Variants in ZNF544 observed in about 807,000 individuals in gnomAD.
The protein encoded by ZNF544 is zinc finger protein 544, also known as zinc finger protein AF020591.
In ZNF544, 10 loss-of-function variants were observed where a neutral mutation model predicts 13.5. The observed-to-expected ratio is 0.74, with a 90% CI of 0.46 to 1.25. The LOEUF (loss-of-function observed/expected upper bound fraction) is 1.25. ZNF544 is among the 50% of genes most tolerant of loss of function. The probability of loss-of-function intolerance (pLI) is 0.00; values close to 1 mark genes in which losing one functional copy is unlikely to be tolerated. For synonymous variants in ZNF544, 323 were observed against 300.5 expected (o/e 1.07, Z -0.77); for missense variants, 896 against 845.6 (o/e 1.06, Z -0.74).
chr19:58,272,911 C>T lies in ZNF544; in HGVS notation c.245-3412C>T, dbSNP rs529490234. Among the ~76,000 whole-genome samples, 282 of 151,342 alleles carry T rather than the reference C, an allele frequency of 1.9e-3. 2 individuals carry two copies. Among genetic ancestry groups the T allele is most frequent in the Non-Finnish European group, 2.7e-3 (181 of 67,878 alleles). ...AAAGAAAAGAAAAAAAGGCCGGGCG[C>T]GGTGGCTCATGCCTGTAATCCCAGC... is the stretch of plus-strand genomic sequence containing the variant. On this transcript the variant is annotated intron_variant, in intron 5 of 6. Transcript: ENST00000595981.
chr19:58,270,383 C>T (rs2050487538), intron 5 of ZNF544, among the ~76,000 whole-genome samples: 1 of 149,856 alleles, frequency 6.7e-6, no homozygotes, highest in African/African-American at 2.5e-5. Context: ...CTCACTGTAA[C>T]CTCCGCCTCC....
chr19:58,276,187 T>G, intron 5 of ZNF544: 1 of 387,798 alleles, frequency 2.6e-6, no homozygotes, highest in African/African-American at 2.1e-5. Flanking sequence ...AAAAAACAAA[T>G]AAACAACAAA....
At chr19:58,229,030 C>T (rs942395584) in intron 1 of ZNF544, 84 bp downstream of exon 1, 3 of 152,602 alleles carry the variant, frequency 2.0e-5, no homozygotes, top group African/African-American at 7.2e-5. Flanking sequence ...CCAGAGCCGC[C>T]CCAAGTGATC....
intron 6 of ZNF544, among the ~76,000 whole-genome samples, chr19:58,255,007 C>T (rs1178441094): frequency 4.0e-5 from 6 of 151,624 alleles, no homozygotes; most frequent in Non-Finnish European, 7.4e-5. Flanking sequence ...CCTGCCTCAG[C>T]CTCCTGAGTA....
intron 6 of ZNF544, chr19:58,277,079 G>A (rs964393784): frequency 1.4e-6 from 1 of 731,354 alleles, no homozygotes; most frequent in South Asian, 7.1e-5. Context: ...AAGTGACTCT[G>A]TCTTGGTTTG....
intron 3 of ZNF544, among the ~76,000 whole-genome samples, chr19:58,243,022 C>T (rs114421229): frequency 8.0e-4 from 122 of 152,082 alleles, no homozygotes; most frequent in African/African-American, 2.9e-3. Flanking sequence ...AGAGGGGGGT[C>T]TCACTTTGTT....
chr19:58,231,395 G>T (rs1031748507), intron 3 of ZNF544, among the ~76,000 whole-genome samples: 1 of 152,118 alleles, frequency 6.6e-6, no homozygotes. Flanking sequence ...TCTTTGTGGG[G>T]TTACAAGGAA....
intron 3 of ZNF544, among the ~76,000 whole-genome samples, chr19:58,240,741 A>G (rs1273541216): frequency 6.6e-6 from 1 of 151,552 alleles, no homozygotes; most frequent in African/African-American, 2.4e-5. Flanking sequence ...CAGCCTGGGC[A>G]ACAGAGTGAA....
downstream of ZNF544, among the ~76,000 whole-genome samples, chr19:58,264,878 C>A (rs1319593001): frequency 6.6e-6 from 1 of 151,710 alleles, no homozygotes; most frequent in African/African-American, 2.4e-5. Flanking sequence ...GAGCTGCACA[C>A]CTGTAGTCCC....
chr19:58,274,635 G>A (rs1384908252), intron 5 of ZNF544, among the ~76,000 whole-genome samples: 1 of 152,096 alleles, frequency 6.6e-6, no homozygotes, highest in African/African-American at 2.4e-5. Context: ...GAGCCCTCAT[G>A]ACTAATACAA....
intron 6 of ZNF544, among the ~76,000 whole-genome samples, chr19:58,252,948 T>G (rs1352404927): frequency 6.6e-6 from 1 of 152,130 alleles, no homozygotes; most frequent in Non-Finnish European, 1.5e-5. Context: ...ACCTCCCGAG[T>G]AGCTGGGATT....
At chr19:58,275,720 A>C (rs533923158) in intron 5 of ZNF544, among the ~76,000 whole-genome samples, 2 of 143,250 alleles carry the variant, frequency 1.4e-5, no homozygotes, top group South Asian at 4.5e-4. Flanking sequence ...AAGAGGTTGA[A>C]GCTGCAGTGA....
intron 3 of ZNF544, among the ~76,000 whole-genome samples, chr19:58,232,807 C>T (rs1482325241): frequency 1.3e-5 from 2 of 148,478 alleles, no homozygotes; most frequent in Non-Finnish European, 3.0e-5. Context: ...ATTAGCTGGG[C>T]GTGATGGCGG....
At position 58,261,102 on chromosome 19, in the gene ZNF544, T is replaced by C. The variant is rs1458029718; in HGVS notation, c.496T>C (p.Ser166Pro). 1 of 1,614,164 alleles carries C rather than the reference T, an allele frequency of 6.2e-7. No individual in the cohort carries two copies. Among genetic ancestry groups the C allele is most frequent in the Non-Finnish European group, 8.5e-7 (1 of 1,180,034 alleles). The change falls in exon 7 of 7, where the codon TCT becomes CCT. Residue 166 changes from serine (S) to proline (P), a missense_variant. Physicochemically the swap from Ser to Pro is moderately conservative, Grantham distance 74. Transcript: ENST00000687789. Reference sequence around the variant, plus strand: ...TGAGCTTGAACTTGGGGGAGGTTATTCTCTACCTTCTACTTTAAGCCTTCT... The same window carrying C: ...TGAGCTTGAACTTGGGGGAGGTTATCCTCTACCTTCTACTTTAAGCCTTCT... Reference protein sequence around the residue: ...HCELELGGGYSLPSTLSLLPT... With the variant: ...HCELELGGGYPLPSTLSLLPT...
At chr19:58,245,774 G>A (rs1009178525) in intron 4 of ZNF544, 1 of 170,190 alleles carries the variant, frequency 5.9e-6, no homozygotes, top group Admixed American at 5.4e-5. Context: ...TTTCGAATCT[G>A]TGATTTTTGT....
chr19:58,236,247 G>A (rs1448201057), intron 3 of ZNF544, among the ~76,000 whole-genome samples: 1 of 151,110 alleles, frequency 6.6e-6, no homozygotes, highest in Non-Finnish European at 1.5e-5. Context: ...CTCACGCAAT[G>A]CTAGCACTTT....
At chr19:58,258,482 GGGTGCGAGGGCACCA>G (rs1475191350) in intron 6 of ZNF544, 1,762 of 120,714 alleles carry the variant, frequency 0.015, 71 homozygotes, top group African/African-American at 0.045. Flanking sequence ...TGAGGGTGCT[GGGTGCGAGGGCACCA>G]GGTGTGAGGG....
At chr19:58,267,953 C>T (rs1426149206), downstream of ZNF544, among the ~76,000 whole-genome samples, 2 of 150,650 alleles carry the variant, frequency 1.3e-5, no homozygotes, top group African/African-American at 4.9e-5. Context: ...TGCACTCCAT[C>T]CTGAGCAACA....
At position 58,263,316 on chromosome 19, in the gene ZNF544, C is replaced by T. The variant is rs114643724; in HGVS notation, c.*562C>T. On this transcript the variant is annotated 3_prime_UTR_variant, in exon 7 of 7. Coordinates refer to ENST00000687789, the MANE Select transcript of ZNF544 (RefSeq NM_014480.4). ...TCTTTACAAAAAATACAAAAATTAG[C>T]CTAGCATGGTGGCGCATACCTGTAG... is the stretch of plus-strand genomic sequence containing the variant. 1,166 of 864,906 alleles carry T rather than the reference C, an allele frequency of 1.3e-3. 13 individuals are homozygous for T. The African/African-American group carries it at 0.02, about 15-fold the overall frequency. The allele number at this position is 864,906 out of a possible 1,614,324, so 53.6% of individuals were successfully genotyped here. A position where few individuals can be genotyped will look rare whatever the true frequency, so the allele number is the denominator to read the frequency against.
Sources: allele counts gnomAD v4.1 joint callset (sites outside exome capture counted in the v4.1 genomes callset), GRCh38; gene constraint gnomAD v4.1.1; transcripts MANE v1.5; gene names NCBI Gene and HGNC (gene_info 2026-07-23, HGNC 2026-07-21).